DYNC1I1: variants seen among roughly 807,000 people sequenced by gnomAD.
DYNC1I1 encodes the protein cytoplasmic dynein 1 intermediate chain 1.
Under a neutral mutation model 86.6 loss-of-function variants are expected in DYNC1I1, and 43 were observed. That is an observed-to-expected ratio of 0.50 (90% confidence interval 0.39 to 0.64). The LOEUF is 0.64. DYNC1I1 is among the 30% of genes least tolerant of loss of function. DYNC1I1 has a pLI of 0.00. For synonymous variants in DYNC1I1, 262 were observed against 283.7 expected, an observed-to-expected ratio of 0.92 and a Z score of 0.77; for missense variants, 604 against 788.8, an observed-to-expected ratio of 0.77 and a Z score of 2.81.
rs186549851 is a variant in DYNC1I1, at chr7:96,073,279, A to G, written c.1510-2778A>G. ...GTGATAAGGAGGTTGGAGAAAGGCT[A>G]GAGAGCAATAGCATTTCAATCAATA... On this transcript the variant is annotated intron_variant, in intron 14 of 16. Coordinates refer to ENST00000447467, the MANE Select transcript of DYNC1I1 (RefSeq NM_001135556.2). 1.9e-3 allele frequency among the ~76,000 whole-genome samples: 294 copies of G among 152,372 alleles called. 3 individuals are homozygous for G. The highest frequency in any genetic ancestry group is 0.017 in the Middle Eastern group (5 of 294).
intron 5 of DYNC1I1, among the ~76,000 whole-genome samples, chr7:95,844,134 A>G (rs1464766884): frequency 2.0e-5 from 3 of 152,230 alleles, no homozygotes; most frequent in Non-Finnish European, 4.4e-5. Context: ...TCTCAACTTT[A>G]TATAGATAAC....
Position 96,032,693 on chromosome 7 carries a change from T to G in DYNC1I1, c.1143T>G (p.Val381=). 6.2e-7 allele frequency: 1 copy of G among 1,613,730 alleles called. No individual in the cohort carries two copies. The highest frequency in any genetic ancestry group is 1.1e-5 in the South Asian group (1 of 91,056). Residue 381 remains valine (V), a synonymous_variant, in exon 12 of 17, where the codon GTT becomes GTG. Coordinates refer to ENST00000447467, the MANE Select transcript of DYNC1I1 (RefSeq NM_001135556.2). ...HTHPVYCVNV[V]GTQNAHNLIT... ...ATCCCGTGTACTGTGTAAATGTTGT[T>G]GGGACCCAGAATGCTCATAACCTCA... is the stretch of plus-strand genomic sequence containing the variant.
intron 6 of DYNC1I1, among the ~76,000 whole-genome samples, chr7:95,892,224 C>T (rs946258359): frequency 2.0e-5 from 3 of 152,004 alleles, no homozygotes; most frequent in Non-Finnish European, 4.4e-5. Context: ...GCAACCTCCA[C>T]CTCCTGGGTT....
At position 96,097,936 on chromosome 7, in the gene DYNC1I1, A is replaced by G; in HGVS notation, c.*343A>G. On this transcript the variant is annotated 3_prime_UTR_variant, in exon 17 of 17. Coordinates refer to ENST00000447467, the MANE Select transcript of DYNC1I1 (RefSeq NM_001135556.2). ...TTACATGCACTCCTGGCATAGTCCT[A>G]TTAAATCCATATGAAGCCAGATATG... 5 of 1,025,434 alleles carry G rather than the reference A, an allele frequency of 4.9e-6. No individual in the cohort carries two copies. Among genetic ancestry groups the G allele is most frequent in the Non-Finnish European group, 4.7e-6 (4 of 853,642 alleles). 63.5% of individuals were successfully genotyped at this position (1,025,434 alleles called of 1,614,324 possible).
chr7:96,012,218 G>A (rs1294451716), intron 10 of DYNC1I1, among the ~76,000 whole-genome samples: 5 of 152,256 alleles, frequency 3.3e-5, no homozygotes, highest in Admixed American at 3.3e-4. Flanking sequence ...ATGTAACTTA[G>A]GCTTGAAAGA....
chr7:95,801,428 A>G (rs924874657), intron 1 of DYNC1I1, among the ~76,000 whole-genome samples: 2 of 152,244 alleles, frequency 1.3e-5, no homozygotes, highest in Non-Finnish European at 2.9e-5. Context: ...CAAGAAAATC[A>G]TAACAAATAC....
intron 5 of DYNC1I1, among the ~76,000 whole-genome samples, chr7:95,836,984 C>T (rs1424454295): frequency 1.3e-5 from 2 of 152,150 alleles, no homozygotes; most frequent in African/African-American, 2.4e-5. Flanking sequence ...GGTCGTTCTC[C>T]GTCCAGCTTT....
intron 2 of DYNC1I1, among the ~76,000 whole-genome samples, chr7:95,809,521 C>T (rs1252371916): frequency 2.6e-5 from 4 of 152,080 alleles, no homozygotes; most frequent in Non-Finnish European, 5.9e-5. Flanking sequence ...GGGCAAATAA[C>T]TTATCTTAAG....
chr7:96,004,484 C>T (rs565943963), intron 10 of DYNC1I1, among the ~76,000 whole-genome samples: 1 of 152,174 alleles, frequency 6.6e-6, no homozygotes, highest in East Asian at 1.9e-4. Context: ...AGCATTACAT[C>T]TTTGCTTCTT....
chr7:96,047,612 A>G (rs1230764190), intron 14 of DYNC1I1, among the ~76,000 whole-genome samples: 1 of 152,232 alleles, frequency 6.6e-6, no homozygotes, highest in Non-Finnish European at 1.5e-5. Flanking sequence ...TGCAGAGTGA[A>G]AAGGGAAGAC....
chr7:95,778,836 T>A (rs1481342649), intron 1 of DYNC1I1, among the ~76,000 whole-genome samples: 2 of 151,046 alleles, frequency 1.3e-5, no homozygotes, highest in African/African-American at 2.5e-5. Context: ...GTTAAAAAAT[T>A]TTTTTTTTCA....
At chr7:95,956,733 T>G (rs988387237) in intron 6 of DYNC1I1, among the ~76,000 whole-genome samples, 2 of 152,202 alleles carry the variant, frequency 1.3e-5, no homozygotes, top group Admixed American at 1.3e-4. Context: ...TATGGCTGCA[T>G]AGTATTCAAT....
At chr7:96,110,147 T>C, downstream of DYNC1I1, 1 of 412,776 alleles carries the variant, frequency 2.4e-6, no homozygotes, top group South Asian at 1.7e-5. Flanking sequence ...AGTATAATTG[T>C]GGATATCTTT....
chr7:96,021,882 A>G (rs1224706572), intron 10 of DYNC1I1, among the ~76,000 whole-genome samples: 1 of 152,194 alleles, frequency 6.6e-6, no homozygotes, highest in East Asian at 1.9e-4. Flanking sequence ...TGGATTTACC[A>G]CATTTCGTTT....
chr7:95,785,803 A>G (rs1349661543), intron 1 of DYNC1I1, among the ~76,000 whole-genome samples: 8 of 131,100 alleles, frequency 6.1e-5, no homozygotes, highest in East Asian at 2.1e-4. Flanking sequence ...ATATATATAT[A>G]TATATATATA....
chr7:96,104,133 T>C (rs1791179391), intron 16 of DYNC1I1, among the ~76,000 whole-genome samples: 2 of 152,182 alleles, frequency 1.3e-5, no homozygotes, highest in African/African-American at 4.8e-5. Context: ...CTTGGCCACA[T>C]CTTGGCCACT....
At chr7:95,908,390 T>TA (rs1383985813) in intron 6 of DYNC1I1, among the ~76,000 whole-genome samples, 3 of 152,044 alleles carry the variant, frequency 2.0e-5, no homozygotes, top group Non-Finnish European at 2.9e-5. Flanking sequence ...ATCAAAGATT[T>TA]AAAAAAACAC....
intron 1 of DYNC1I1, among the ~76,000 whole-genome samples, chr7:95,773,706 C>T (rs1371324077): frequency 6.6e-6 from 1 of 152,156 alleles, no homozygotes; most frequent in Non-Finnish European, 1.5e-5. Context: ...GCATTGTAGA[C>T]TTATTGTAGT....
chr7:95,854,230 G>A (rs1789657108), intron 5 of DYNC1I1, among the ~76,000 whole-genome samples: 1 of 151,712 alleles, frequency 6.6e-6, no homozygotes, highest in Non-Finnish European at 1.5e-5. Context: ...TTCCTGTCTT[G>A]CTGTGTTCCT....
Sources: gnomAD v4.1 joint callset for allele counts (sites outside exome capture counted in the v4.1 genomes callset) on GRCh38, gnomAD v4.1.1 for gene constraint, MANE v1.5 for transcripts, NCBI Gene and HGNC (gene_info 2026-07-23, HGNC 2026-07-21) for gene names.